NCAM1: variants seen among roughly 807,000 people sequenced by gnomAD.
NCAM1 encodes neural cell adhesion molecule 1, also known as antigen recognized by monoclonal antibody 5.1H11.
In NCAM1, 14 loss-of-function variants were observed where a neutral mutation model predicts 109.8. The ratio of observed to expected loss-of-function variants is 0.13; its 90% CI spans 0.08 to 0.20. The LOEUF (loss-of-function observed/expected upper bound fraction) is 0.20, where lower values mean the gene tolerates loss of function less well. NCAM1 is among the 10% of genes least tolerant of loss of function. The probability of loss-of-function intolerance (pLI) is 1.00; values close to 1 mark genes in which losing one functional copy is unlikely to be tolerated. For synonymous variants in NCAM1, 418 were observed against 442.9 expected (o/e 0.94, Z 0.70); for missense variants, 774 against 1,109.9 (o/e 0.70, Z 4.30).
chr11:112,991,996 A>C (rs1951469079), intron 1 of NCAM1, among the ~76,000 whole-genome samples: 1 of 152,076 alleles, frequency 6.6e-6, no homozygotes, highest in Non-Finnish European at 1.5e-5. Flanking sequence ...TTATTGTTGA[A>C]GTATCTTTTA....
chr11:113,246,174 C>A (rs1945497928), intron 14 of NCAM1, 194 bp from the exon 15 acceptor site: 1 of 553,604 alleles, frequency 1.8e-6, no homozygotes, highest in Non-Finnish European at 3.2e-6. Flanking sequence ...AATTTGATTT[C>A]TCCTTTTATT....
At chr11:113,150,447 G>T (rs1942184770) in intron 1 of NCAM1, among the ~76,000 whole-genome samples, 1 of 152,136 alleles carries the variant, frequency 6.6e-6, no homozygotes, top group South Asian at 2.1e-4. Context: ...GCTCACTTGG[G>T]ATTTCCTGTT....
chr11:112,986,562 T>C (rs1951311527), intron 1 of NCAM1, among the ~76,000 whole-genome samples: 1 of 151,986 alleles, frequency 6.6e-6, no homozygotes, highest in Admixed American at 6.6e-5. Context: ...TGATAGGAGA[T>C]CTTTAATTAC....
intron 1 of NCAM1, among the ~76,000 whole-genome samples, chr11:112,965,524 T>G (rs981227479): frequency 6.6e-6 from 1 of 152,230 alleles, no homozygotes; most frequent in Non-Finnish European, 1.5e-5. Context: ...AGCACCATTT[T>G]GTCACTCAAA....
intron 1 of NCAM1, among the ~76,000 whole-genome samples, chr11:113,063,353 C>T (rs1555083720): frequency 6.6e-6 from 1 of 152,224 alleles, no homozygotes; most frequent in African/African-American, 2.4e-5. Flanking sequence ...CTGATTTAGA[C>T]TCTGCTCTCT....
chr11:113,226,416 C>A (rs1466491358), intron 9 of NCAM1, among the ~76,000 whole-genome samples: 1 of 152,188 alleles, frequency 6.6e-6, no homozygotes, highest in Non-Finnish European at 1.5e-5. Context: ...TACAGGAGCA[C>A]CCGGATTCAT....
At chr11:113,169,316 C>T (rs1343890970) in intron 1 of NCAM1, among the ~76,000 whole-genome samples, 1 of 152,064 alleles carries the variant, frequency 6.6e-6, no homozygotes, top group East Asian at 1.9e-4. Flanking sequence ...GAACTCTCCC[C>T]AATGTAAAAT....
chr11:113,268,550 C>T (rs1378291719), intron 17 of NCAM1, among the ~76,000 whole-genome samples: 1 of 152,176 alleles, frequency 6.6e-6, no homozygotes, highest in African/African-American at 2.4e-5. Context: ...TCCTCTCTGG[C>T]ATGCTAGGCT....
rs1461882350 is a variant in NCAM1, at chr11:113,274,101, G to A, written c.2457-1166G>A. ...CTTATCAGCCACCCTGGGGCCCCCAGTCGGTGTGTTATTCAGTGCCAGGCT... is the reference window on the plus strand; with the variant it reads ...CTTATCAGCCACCCTGGGGCCCCCAATCGGTGTGTTATTCAGTGCCAGGCT... On this transcript the variant is annotated intron_variant, in intron 19 of 19. Transcript: ENST00000316851. This position sits in a 1 kb window ranked among gnomAD's most constrained non-coding sequence, Gnocchi z 4.1. Among the ~76,000 whole-genome samples the A allele has an allele frequency of 6.6e-6, 1 of 152,208 alleles. No individual in the cohort carries two copies. The highest frequency in any genetic ancestry group is 1.5e-5 in the Non-Finnish European group (1 of 68,032).
In NCAM1 at chr11:113,061,472, G is replaced by A. The variant is rs180683357; in HGVS notation, c.52+99808G>A. Reference sequence around the variant, plus strand: ...TGGAAGTGGTATACCAAATAAAAACGAAGCTCTTAAATAGTTAAGAGGAGC... The same window carrying A: ...TGGAAGTGGTATACCAAATAAAAACAAAGCTCTTAAATAGTTAAGAGGAGC... On this transcript the variant is annotated intron_variant, in intron 1 of 19. Transcript: ENST00000316851. Among the ~76,000 whole-genome samples, 5 of 152,298 alleles carry A rather than the reference G, an allele frequency of 3.3e-5. No individual in the cohort carries two copies. The East Asian group carries it at 5.8e-4, about 18-fold the overall frequency.
intron 1 of NCAM1, among the ~76,000 whole-genome samples, chr11:113,187,993 A>C (rs1243052118): frequency 6.6e-6 from 1 of 152,240 alleles, no homozygotes; most frequent in Non-Finnish European, 1.5e-5. Context: ...GGTACATTGC[A>C]TGAGCAGGAG....
In NCAM1 at chr11:113,233,559, G is replaced by A. The variant is rs565922403; in HGVS notation, c.1693+242G>A. Among the ~76,000 whole-genome samples the A allele has an allele frequency of 1.1e-4, 16 of 152,282 alleles. No homozygotes were observed. The highest frequency in any genetic ancestry group is 3.9e-4 in the African/African-American group (16 of 41,548). ...TGAAGGCATCTGTACCACATTCCAG[G>A]CAGGAACCTTGTGTAGGTTCTGAGC... On this transcript the variant is annotated intron_variant, in intron 13 of 19. Coordinates refer to ENST00000316851, the MANE Select transcript of NCAM1 (RefSeq NM_181351.5). The surrounding 1 kb of genome is among the most constrained non-coding windows in gnomAD (Gnocchi z 4.5).
At chr11:113,001,117 G>C (rs1412473172) in intron 1 of NCAM1, among the ~76,000 whole-genome samples, 1 of 152,068 alleles carries the variant, frequency 6.6e-6, no homozygotes, top group Non-Finnish European at 1.5e-5. Context: ...TTTTCTATGT[G>C]TGACCTGCAC....
chr11:113,238,058 A>T lies in NCAM1; in HGVS notation c.1825+2894A>T, dbSNP rs188263557. 3.2e-3 allele frequency among the ~76,000 whole-genome samples: 479 copies of T among 151,920 alleles called. 3 individuals carry two copies. Among genetic ancestry groups the T allele is most frequent in the African/African-American group, 0.011 (465 of 41,500 alleles). On this transcript the variant is annotated intron_variant, in intron 14 of 19. Coordinates refer to ENST00000316851, the MANE Select transcript of NCAM1 (RefSeq NM_181351.5). ...AAATTTTAATTTTAAATTAAAATTTAGATTTTTAACTACAAAAAAGAGGTC... is the reference window on the plus strand; with the variant it reads ...AAATTTTAATTTTAAATTAAAATTTTGATTTTTAACTACAAAAAAGAGGTC...
rs189437769 is a variant in NCAM1, at chr11:113,235,805, C to T, written c.1825+641C>T. On this transcript the variant is annotated intron_variant, in intron 14 of 19. Coordinates refer to ENST00000316851, the MANE Select transcript of NCAM1 (RefSeq NM_181351.5). ...CAGGGATGTATCTCTAGGTTTTCCTCGGCCATTCCCTCTTTCTTTTAACTA... is the reference window on the plus strand; with the variant it reads ...CAGGGATGTATCTCTAGGTTTTCCTTGGCCATTCCCTCTTTCTTTTAACTA... 1.4e-3 allele frequency among the ~76,000 whole-genome samples: 206 copies of T among 152,258 alleles called. 3 individuals are homozygous for T. Among genetic ancestry groups the T allele is most frequent in the Admixed American group, 4.8e-3 (74 of 15,296 alleles).
intron 1 of NCAM1, among the ~76,000 whole-genome samples, chr11:113,095,156 A>G (rs1465777835): frequency 6.6e-6 from 1 of 152,184 alleles, no homozygotes; most frequent in Admixed American, 6.5e-5. Context: ...AGAGAATATG[A>G]TTGAAGAGCG....
chr11:113,037,729 C>T (rs1403515131), intron 1 of NCAM1, among the ~76,000 whole-genome samples: 2 of 152,152 alleles, frequency 1.3e-5, no homozygotes, highest in African/African-American at 4.8e-5. Context: ...TTCAATGCTG[C>T]GGGCATTTCT....
At chr11:113,125,898 G>C (rs1941154252) in intron 1 of NCAM1, among the ~76,000 whole-genome samples, 4 of 152,094 alleles carry the variant, frequency 2.6e-5, no homozygotes, top group African/African-American at 7.2e-5. Context: ...GCTCACACCT[G>C]TAATCCTAGC....
At chr11:113,052,824 A>G (rs1248785449) in intron 1 of NCAM1, among the ~76,000 whole-genome samples, 1 of 152,002 alleles carries the variant, frequency 6.6e-6, no homozygotes, top group African/African-American at 2.4e-5. Context: ...TGCACTAGCT[A>G]TTTGTCCTGA....
Sources: gnomAD v4.1 joint callset for allele counts (sites outside exome capture counted in the v4.1 genomes callset) on GRCh38, gnomAD v4.1.1 for gene constraint, Gnocchi (gnomAD v3.1) non-coding constraint, MANE v1.5 for transcripts, NCBI Gene and HGNC (gene_info 2026-07-23, HGNC 2026-07-21) for gene names.